RAI14: variants seen among roughly 807,000 people sequenced by gnomAD.
The protein encoded by RAI14 is retinoic acid induced 14, also known as ankycorbin.
Under a neutral mutation model 115.4 loss-of-function variants are expected in RAI14, and 45 were observed. The observed-to-expected ratio is 0.39, with a 90% CI of 0.31 to 0.50. The LOEUF is 0.50. Among genes scored for constraint, RAI14 ranks in the 20% least tolerant of loss-of-function variants. The pLI, the probability that RAI14 is intolerant of heterozygous loss-of-function variation, is 0.85. For missense variants in RAI14, 939 were observed against 1,131.2 expected (o/e 0.83, Z 2.44); for synonymous variants, 371 against 415.4 (o/e 0.89, Z 1.30).
At position 34,780,601 on chromosome 5, in the gene RAI14, G is replaced by A. The variant is rs536849179; in HGVS notation, c.168-15338G>A. 2.2e-3 allele frequency among the ~76,000 whole-genome samples: 340 copies of A among 152,192 alleles called. 1 individual carries two copies. The highest frequency in any genetic ancestry group is 6.3e-3 in the African/African-American group (263 of 41,530). On this transcript the variant is annotated intron_variant, in intron 3 of 17. Transcript: ENST00000265109. ...ACTTCTCAAAAGAAGACATTTATGC[G>A]GCCAACAGACACATGAAAAAATGCT...
At chr5:34,809,247 A>G (rs1755296016) in intron 7 of RAI14, among the ~76,000 whole-genome samples, 1 of 152,192 alleles carries the variant, frequency 6.6e-6, no homozygotes, top group East Asian at 1.9e-4. Context: ...TTATTTTCCC[A>G]TCACTCTAGT....
chr5:34,742,997 G>A (rs770660452), intron 2 of RAI14, among the ~76,000 whole-genome samples: 13 of 152,118 alleles, frequency 8.5e-5, no homozygotes, highest in Non-Finnish European at 1.5e-4. Context: ...AGCACCACCC[G>A]GTGATTTTGA....
At chr5:34,815,890 A>G (rs1466155364) in intron 12 of RAI14, among the ~76,000 whole-genome samples, 1 of 152,230 alleles carries the variant, frequency 6.6e-6, no homozygotes, top group Non-Finnish European at 1.5e-5. Flanking sequence ...ATCATGATGT[A>G]CATGGTAAAT....
chr5:34,694,851 G>C (rs1303845335), intron 2 of RAI14, among the ~76,000 whole-genome samples: 1 of 152,084 alleles, frequency 6.6e-6, no homozygotes, highest in Non-Finnish European at 1.5e-5. Flanking sequence ...TTTTGGAAGG[G>C]GTTTTGATGA....
At chr5:34,825,144 A>G (rs995646674) in intron 15 of RAI14, among the ~76,000 whole-genome samples, 1 of 151,980 alleles carries the variant, frequency 6.6e-6, no homozygotes, top group African/African-American at 2.4e-5. Flanking sequence ...GCATGGTGGT[A>G]TGAGCATGTA....
Position 34,699,810 on chromosome 5 carries a change from T to C in RAI14, c.36+12855T>C, listed in dbSNP as rs989886349. 2.9e-4 allele frequency among the ~76,000 whole-genome samples: 44 copies of C among 152,214 alleles called. 1 individual carries two copies. The highest frequency in any genetic ancestry group is 9.4e-4 in the African/African-American group (39 of 41,458). On this transcript the variant is annotated intron_variant, in intron 2 of 17. Coordinates refer to ENST00000265109, the MANE Select transcript of RAI14 (RefSeq NM_015577.3). ...TTGCTGTCAGGAGAACAAAATATGA[T>C]GATTCCAGCCGGCCAAGTAAAGGCC...
intron 2 of RAI14, among the ~76,000 whole-genome samples, chr5:34,707,254 G>A (rs946066191): frequency 6.6e-6 from 1 of 152,180 alleles, no homozygotes; most frequent in South Asian, 2.1e-4. Flanking sequence ...ATCACCTGAG[G>A]TCAGGAGTTC....
intron 2 of RAI14, among the ~76,000 whole-genome samples, chr5:34,753,678 G>C (rs1226508778): frequency 1.3e-5 from 2 of 152,166 alleles, no homozygotes; most frequent in African/African-American, 4.8e-5. Context: ...CACTTTGGGA[G>C]GCCACGGTGG....
chr5:34,720,727 G>A (rs1248659815), intron 2 of RAI14, among the ~76,000 whole-genome samples: 3 of 151,736 alleles, frequency 2.0e-5, no homozygotes, highest in Non-Finnish European at 4.4e-5. Flanking sequence ...TTTTCTACTT[G>A]ACTAATAAAA....
chr5:34,730,938 G>A (rs976100765), intron 2 of RAI14, among the ~76,000 whole-genome samples: 3 of 152,204 alleles, frequency 2.0e-5, no homozygotes, highest in East Asian at 1.9e-4. Context: ...AGCTGAGGCC[G>A]TGCCATTGCA....
intron 2 of RAI14, among the ~76,000 whole-genome samples, chr5:34,707,646 T>TG (rs1040921671): frequency 1.1e-4 from 16 of 152,246 alleles, no homozygotes; most frequent in African/African-American, 3.9e-4. Flanking sequence ...CCCAGGCATC[T>TG]GGGGGAAAAA....
intron 1 of RAI14, among the ~76,000 whole-genome samples, chr5:34,674,388 T>C (rs1743827008): frequency 6.6e-6 from 1 of 152,178 alleles, no homozygotes; most frequent in Admixed American, 6.5e-5. Context: ...AGTCCAAGTT[T>C]CCTTATTTCA....
At chr5:34,797,604 G>A (rs546882395) in intron 4 of RAI14, among the ~76,000 whole-genome samples, 90 of 152,236 alleles carry the variant, frequency 5.9e-4, no homozygotes, top group African/African-American at 2.1e-3. Flanking sequence ...AAAATATTTT[G>A]AGAAATGGCA....
chr5:34,741,777 T>C (rs1162115072), intron 2 of RAI14, among the ~76,000 whole-genome samples: 2 of 152,072 alleles, frequency 1.3e-5, no homozygotes, highest in African/African-American at 4.8e-5. Context: ...GCCACAGCAG[T>C]GGACAAGAGT....
rs533141052 is a variant in RAI14 at position 34,755,232 on chromosome 5, G to A, written c.37-2236G>A. Reference sequence around the variant, plus strand: ...ACTAACAAATGATGGTGTGAGGAACGCCATATTTCTTATGTTTCCCTTCAA... The same window carrying A: ...ACTAACAAATGATGGTGTGAGGAACACCATATTTCTTATGTTTCCCTTCAA... On this transcript the variant is annotated intron_variant, in intron 2 of 17. Coordinates refer to ENST00000265109, the MANE Select transcript of RAI14 (RefSeq NM_015577.3). 1.8e-3 allele frequency among the ~76,000 whole-genome samples: 281 copies of A among 152,206 alleles called. 2 individuals are homozygous for A. Among genetic ancestry groups the A allele is most frequent in the African/African-American group, 6.3e-3 (261 of 41,536 alleles).
At chr5:34,790,227 TTCTC>T (rs1752757400) in intron 3 of RAI14, among the ~76,000 whole-genome samples, 1 of 152,206 alleles carries the variant, frequency 6.6e-6, no homozygotes, top group Non-Finnish European at 1.5e-5. Context: ...GGAGCTTCCT[TTCTC>T]TCTGAGGGGA....
intron 3 of RAI14, among the ~76,000 whole-genome samples, chr5:34,758,272 T>C (rs1352017223): frequency 1.3e-5 from 2 of 152,216 alleles, no homozygotes; most frequent in Non-Finnish European, 2.9e-5. Flanking sequence ...AGAGTAGTTA[T>C]GAGTATAAAA....
At position 34,827,957 on chromosome 5, in the gene RAI14, G is replaced by GT. The variant is rs1757616972; in HGVS notation, c.2799+1480dup. Among the ~76,000 whole-genome samples, 2 of 152,226 alleles carry GT rather than the reference G, an allele frequency of 1.3e-5. No individual in the cohort carries two copies. The highest frequency in any genetic ancestry group is 2.9e-5 in the Non-Finnish European group (2 of 68,036). On this transcript the variant is annotated intron_variant, in intron 16 of 17. Coordinates refer to ENST00000265109, the MANE Select transcript of RAI14 (RefSeq NM_015577.3). The surrounding 1 kb of genome is among the most constrained non-coding windows in gnomAD (Gnocchi z 4.2). The stretch of plus-strand genomic sequence containing the variant: ...GAGTCATGAAAAGGTTCCTACGGGA[G>GT]TTACACTTGTGCTGAGTCTTGAAGG...
At chr5:34,768,718 G>A (rs1749751496) in intron 3 of RAI14, among the ~76,000 whole-genome samples, 1 of 152,182 alleles carries the variant, frequency 6.6e-6, no homozygotes, top group African/African-American at 2.4e-5. Flanking sequence ...CCCGGGTGCG[G>A]TGATTCACAC....
Sources: gnomAD v4.1 joint callset for allele counts (sites outside exome capture counted in the v4.1 genomes callset) on GRCh38, gnomAD v4.1.1 for gene constraint, Gnocchi (gnomAD v3.1) non-coding constraint, MANE v1.5 for transcripts, NCBI Gene and HGNC (gene_info 2026-07-23, HGNC 2026-07-21) for gene names.